The following ZNF773 variants were observed in gnomAD, a reference collection of about 807,000 sequenced individuals.
ZNF773 encodes the protein zinc finger protein 419B.
Under a neutral mutation model 12.8 loss-of-function variants are expected in ZNF773, and 11 were observed. The observed-to-expected ratio is 0.86, with a 90% CI of 0.54 to 1.42. The LOEUF is 1.42. Among genes scored for constraint, ZNF773 ranks in the 40% most tolerant of loss-of-function variants. The pLI is 0.00. For synonymous variants in ZNF773, 175 were observed against 178.4 expected (o/e 0.98, Z 0.15); for missense variants, 518 against 527.2 (o/e 0.98, Z 0.17).
chr19:57,505,387 A>C lies in ZNF773; in HGVS notation c.249A>C (p.Ser83=), dbSNP rs146969843. The C allele has an allele frequency of 2.6e-5, 42 of 1,614,144 alleles. No individual in the cohort carries two copies. The African/African-American group carries it at 4.8e-4, about 18-fold the overall frequency. ...PFMPAWEVVT[S]AILRGSWQGA... ...TGCCTGCTTGGGAAGTTGTGACTTC[A>C]GCCATACTGAGAGGTACTTGGTGGG... Residue 83 remains serine (S), a synonymous_variant, in exon 3 of 4, where the codon TCA becomes TCC. Transcript: ENST00000282292.
downstream of ZNF773, chr19:57,516,174 A>C (rs748450938): frequency 2.6e-5 from 4 of 155,816 alleles, no homozygotes; most frequent in Non-Finnish European, 4.3e-5. Flanking sequence ...GAGCTAGTTG[A>C]ATCTGAATGC....
Position 57,506,393 on chromosome 19 carries a change from G to C in ZNF773, c.298G>C (p.Glu100Gln). ...AGGAGCCAAGGCTGAGGCAGCTGCT[G>C]AGCAGAGTGCTTCTGTAGAAGTGCC... ...WQGAKAEAAA[E>Q]QSASVEVPSS... The change falls in exon 4 of 4, where the codon GAG becomes CAG. Residue 100 changes from glutamate to glutamine, a missense_variant. Transcript: ENST00000282292. 6.2e-6 allele frequency: 10 copies of C among 1,613,864 alleles called. No individual in the cohort carries two copies. Among genetic ancestry groups the C allele is most frequent in the Non-Finnish European group, 8.5e-6 (10 of 1,179,908 alleles).
At chr19:57,516,948 A>C (rs2089835866), downstream of ZNF773, 1 of 152,256 alleles carries the variant, frequency 6.6e-6, no homozygotes, top group Non-Finnish European at 1.5e-5. Flanking sequence ...CTTGCTTGGC[A>C]CAGAATGGGC....
Position 57,505,313 on chromosome 19 carries a change from T to C in ZNF773, c.175T>C (p.Ser59Pro). The change falls in exon 3 of 4, where the codon TCC becomes CCC. Residue 59 changes from serine to proline, a missense_variant. By Grantham distance (74) the Ser-to-Pro change is moderately conservative. Coordinates refer to ENST00000282292, the MANE Select transcript of ZNF773 (RefSeq NM_198542.3). ...GTCGTTTTCCTTAGGACTTGCATCTTCCAAGACCCATGAAATAACCCAGCT... is the reference window on the plus strand; with the variant it reads ...GTCGTTTTCCTTAGGACTTGCATCTCCCAAGACCCATGAAATAACCCAGCT... ...TLLASLGLASSKTHEITQLES... is the reference protein window; with the variant it reads ...TLLASLGLASPKTHEITQLES... 1 of 1,614,128 alleles carries C rather than the reference T, an allele frequency of 6.2e-7. No homozygotes were observed. Among genetic ancestry groups the C allele is most frequent in the Non-Finnish European group, 8.5e-7 (1 of 1,180,010 alleles).
intron 1 of ZNF773, among the ~76,000 whole-genome samples, chr19:57,503,310 T>C (rs747748796): frequency 6.6e-5 from 10 of 152,024 alleles, no homozygotes; most frequent in Non-Finnish European, 1.3e-4. Flanking sequence ...AGGGAGAATG[T>C]ATAGGGGCCA....
chr19:57,507,508 T>A lies in ZNF773; in HGVS notation c.*84T>A. The A allele has an allele frequency of 6.7e-7, 1 of 1,499,628 alleles. No homozygotes were observed. The highest frequency in any genetic ancestry group is 8.9e-7 in the Non-Finnish European group (1 of 1,129,650). The allele number at this position is 1,499,628 out of a possible 1,614,324, so 92.9% of individuals were successfully genotyped here. On this transcript the variant is annotated 3_prime_UTR_variant, in exon 4 of 4. Transcript: ENST00000282292. ...GTAAAAAAGTCTTGAAGGTTACTAA[T>A]GGAAATCCATTAGCTATACCTCCAA...
chr19:57,512,819 A>T (rs970081029), downstream of ZNF773, among the ~76,000 whole-genome samples: 2 of 152,128 alleles, frequency 1.3e-5, no homozygotes, highest in African/African-American at 2.4e-5. Context: ...AGTCTGTTGT[A>T]TAAAGAAAGC....
intron 1 of ZNF773, 29 bp downstream of exon 1, chr19:57,500,142 C>G (rs739586): frequency 1.9e-6 from 3 of 1,595,052 alleles, no homozygotes; most frequent in African/African-American, 1.3e-5. Context: ...CGGCCTCCCC[C>G]GAATCCTAAA....
At chr19:57,509,404 G>T (rs536178516), downstream of ZNF773, among the ~76,000 whole-genome samples, 39 of 152,176 alleles carry the variant, frequency 2.6e-4, no homozygotes, top group Non-Finnish European at 4.7e-4. Context: ...TGGCATTCCA[G>T]TAGCTTTGAG....
chr19:57,514,887 C>G (rs1404118542), downstream of ZNF773: 1 of 152,192 alleles, frequency 6.6e-6, no homozygotes, highest in Non-Finnish European at 1.5e-5. Context: ...TTTACCCTTC[C>G]TGTAATCACT....
At chr19:57,500,952 G>A (rs1441757679) in intron 1 of ZNF773, among the ~76,000 whole-genome samples, 1 of 152,162 alleles carries the variant, frequency 6.6e-6, no homozygotes, top group Non-Finnish European at 1.5e-5. Context: ...TTCGTGGTCC[G>A]AAGTGATTTT....
At chr19:57,501,779 T>C (rs1296162752) in intron 1 of ZNF773, among the ~76,000 whole-genome samples, 2 of 152,172 alleles carry the variant, frequency 1.3e-5, no homozygotes, top group African/African-American at 4.8e-5. Flanking sequence ...AGAAGGTAAG[T>C]GGAGGATGTC....
Position 57,502,308 on chromosome 19 carries a change from A to G in ZNF773, c.33+2195A>G, listed in dbSNP as rs542514733. ...CAATGACAGGAGATTTAGAAGGCAT[A>G]GTGATCAACATTAGAAAATACGTGG... On this transcript the variant is annotated intron_variant, in intron 1 of 3. Coordinates refer to ENST00000282292, the MANE Select transcript of ZNF773 (RefSeq NM_198542.3). Among the ~76,000 whole-genome samples, 14 of 152,334 alleles carry G rather than the reference A, an allele frequency of 9.2e-5. No homozygotes were observed. In the South Asian group the frequency reaches 2.9e-3, roughly 32 times the overall value.
In ZNF773 at chr19:57,503,194, G is replaced by T. The variant is rs536929470; in HGVS notation, c.34-1463G>T. Among the ~76,000 whole-genome samples the T allele has an allele frequency of 4.6e-5, 7 of 152,318 alleles. No individual in the cohort carries two copies. The South Asian group carries it at 1.0e-3, about 23-fold the overall frequency. ...GTCTGGAGTTCAGGTGAAGGGTTCA[G>T]ATTGGAAACCCACATGATACAGTTG... On this transcript the variant is annotated intron_variant, in intron 1 of 3. Transcript: ENST00000282292.
downstream of ZNF773, chr19:57,517,509 C>T (rs2089839016): frequency 6.6e-6 from 1 of 152,162 alleles, no homozygotes; most frequent in Admixed American, 6.5e-5. Context: ...ATTCAAACAG[C>T]TCAATGTGTG....
At chr19:57,510,199 TAATA>T (rs2089783911), downstream of ZNF773, among the ~76,000 whole-genome samples, 1 of 152,290 alleles carries the variant, frequency 6.6e-6, no homozygotes, top group Admixed American at 6.5e-5. Context: ...ATACAAACAA[TAATA>T]AATCATAACC....
chr19:57,503,715 T>G (rs2089694716), intron 1 of ZNF773, among the ~76,000 whole-genome samples: 1 of 150,538 alleles, frequency 6.6e-6, no homozygotes, highest in Non-Finnish European at 1.5e-5. Flanking sequence ...TAGAGCGCAA[T>G]GGCAAGATCT....
chr19:57,505,644 T>C (rs528450656), intron 3 of ZNF773, among the ~76,000 whole-genome samples: 1 of 151,914 alleles, frequency 6.6e-6, no homozygotes, highest in East Asian at 1.9e-4. Context: ...TGGCTTTCAC[T>C]GAATGTGTGG....
At chr19:57,510,141 C>T (rs1156322979), downstream of ZNF773, among the ~76,000 whole-genome samples, 1 of 152,170 alleles carries the variant, frequency 6.6e-6, no homozygotes, top group Non-Finnish European at 1.5e-5. Context: ...AACTTGCACT[C>T]ATGCTAAAAC....
Sources: allele counts gnomAD v4.1 joint callset (sites outside exome capture counted in the v4.1 genomes callset), GRCh38; gene constraint gnomAD v4.1.1; transcripts MANE v1.5; gene names NCBI Gene and HGNC (gene_info 2026-07-23, HGNC 2026-07-21).